CDYL: variants seen among roughly 807,000 people sequenced by gnomAD.
The protein encoded by CDYL is chromodomain Y-like protein.
CDYL carries 8 observed loss-of-function variants against 47.3 expected under a neutral mutation model. That is an observed-to-expected ratio of 0.17 (90% CI 0.10 to 0.31). The LOEUF is 0.31. Among genes scored for constraint, CDYL ranks in the 10% least tolerant of loss-of-function variants. CDYL has a pLI of 1.00. For synonymous variants in CDYL, 266 were observed against 265.0 expected, an observed-to-expected ratio of 1.00 and a Z score of -0.04; for missense variants, 471 against 701.4, an observed-to-expected ratio of 0.67 and a Z score of 3.71.
chr6:4,775,045 T>G (rs971604318), upstream of CDYL, among the ~76,000 whole-genome samples: 1 of 152,100 alleles, frequency 6.6e-6, no homozygotes, highest in African/African-American at 2.4e-5. This position sits in a 1 kb window ranked among gnomAD's most constrained non-coding sequence, Gnocchi z 7.0. Context: ...GTTGAAACGC[T>G]GTTGGGGGGC....
chr6:4,851,934 T>G (rs1237995072), intron 1 of CDYL, among the ~76,000 whole-genome samples: 4 of 152,186 alleles, frequency 2.6e-5, no homozygotes, highest in Middle Eastern at 3.4e-3. Context: ...TTTTACACCC[T>G]TTTCTATGTC....
intron 1 of CDYL, among the ~76,000 whole-genome samples, chr6:4,788,415 G>A (rs1758817004): frequency 2.1e-5 from 3 of 145,722 alleles, no homozygotes. Flanking sequence ...CCCAGGAGGT[G>A]GAGTTAGCAG....
intron 2 of CDYL, among the ~76,000 whole-genome samples, chr6:4,920,852 G>C (rs1168691913): frequency 2.6e-5 from 4 of 152,226 alleles, no homozygotes; most frequent in African/African-American, 9.6e-5. Flanking sequence ...CTGACCTCAA[G>C]TGATCCACCC....
intron 1 of CDYL, among the ~76,000 whole-genome samples, chr6:4,816,597 C>G (rs943779462): frequency 4.6e-5 from 7 of 151,212 alleles, no homozygotes; most frequent in Non-Finnish European, 1.5e-5. Flanking sequence ...CTCCCAGGCT[C>G]AGGCAGTCCT....
intron 1 of CDYL, among the ~76,000 whole-genome samples, chr6:4,870,413 T>C (rs1761440500): frequency 6.6e-6 from 1 of 152,236 alleles, no homozygotes; most frequent in Non-Finnish European, 1.5e-5. Context: ...TTATGAATTA[T>C]TGTTTTCCTT....
intron 2 of CDYL, among the ~76,000 whole-genome samples, chr6:4,920,832 T>G (rs190989929): frequency 2.0e-4 from 30 of 152,328 alleles, no homozygotes; most frequent in African/African-American, 7.0e-4. Flanking sequence ...GCCAGACTGG[T>G]CTCAGACTCC....
At chr6:4,823,726 G>A (rs1049762798) in intron 1 of CDYL, among the ~76,000 whole-genome samples, 6 of 151,686 alleles carry the variant, frequency 4.0e-5, no homozygotes, top group South Asian at 2.1e-4. Context: ...CTTTGTAACC[G>A]GTAAAATATA....
Position 4,954,549 on chromosome 6 carries a change from G to T in CDYL, c.*493G>T, listed in dbSNP as rs909702882. 6.6e-6 allele frequency: 1 copy of T among 152,646 alleles called. No homozygotes were observed. Among genetic ancestry groups the T allele is most frequent in the Non-Finnish European group, 1.5e-5 (1 of 68,060 alleles). The allele number at this position is 152,646 out of a possible 1,614,324, so 9.5% of individuals were successfully genotyped here. A position where few individuals can be genotyped will look rare whatever the true frequency, so the allele number is the denominator to read the frequency against. On this transcript the variant is annotated 3_prime_UTR_variant, in exon 7 of 7. Transcript: ENST00000397588. ...GAGGCGTTGGCTTTTTCTCCAAGAA[G>T]GTACAGATACCTCAGATTCGGGAAA...
chr6:4,766,026 G>A (rs1019789441), intron 3 of CDYL, among the ~76,000 whole-genome samples: 32 of 151,934 alleles, frequency 2.1e-4, no homozygotes, highest in African/African-American at 7.7e-4. Context: ...CCCATGGCAG[G>A]ACTGATAAAG....
intron 2 of CDYL, among the ~76,000 whole-genome samples, chr6:4,914,654 G>C (rs143067471): frequency 6.6e-6 from 1 of 152,148 alleles, no homozygotes; most frequent in Non-Finnish European, 1.5e-5. Flanking sequence ...AGCTGTGCAC[G>C]GGCCTATTCT....
At chr6:4,757,042 T>C (rs1758085630) in intron 3 of CDYL, among the ~76,000 whole-genome samples, 1 of 152,198 alleles carries the variant, frequency 6.6e-6, no homozygotes, top group Admixed American at 6.5e-5. Flanking sequence ...AAGTGATTGG[T>C]ATGAGTCACC....
intron 1 of CDYL, among the ~76,000 whole-genome samples, chr6:4,884,046 G>A (rs1252724582): frequency 6.6e-6 from 1 of 152,176 alleles, no homozygotes; most frequent in Non-Finnish European, 1.5e-5. Context: ...CATAGACATG[G>A]TGGTAGGAAA....
At chr6:4,944,598 A>G (rs1758457557) in intron 5 of CDYL, among the ~76,000 whole-genome samples, 1 of 152,190 alleles carries the variant, frequency 6.6e-6, no homozygotes, top group Admixed American at 6.5e-5. Flanking sequence ...CCCCAGGGCC[A>G]TTCAGATCAT....
chr6:4,883,923 T>G (rs1044208275), intron 1 of CDYL, among the ~76,000 whole-genome samples: 2 of 152,148 alleles, frequency 1.3e-5, no homozygotes, highest in Non-Finnish European at 2.9e-5. Flanking sequence ...CATAGAACAG[T>G]GGCAAACTCT....
chr6:4,936,527 G>A (rs947411912), intron 3 of CDYL, among the ~76,000 whole-genome samples: 7 of 152,084 alleles, frequency 4.6e-5, no homozygotes, highest in Admixed American at 4.6e-4. Context: ...TTCAAAGTTG[G>A]TCCTTGGTAC....
At chr6:4,896,449 T>C (rs556070000) in intron 2 of CDYL, among the ~76,000 whole-genome samples, 1 of 152,324 alleles carries the variant, frequency 6.6e-6, no homozygotes, top group African/African-American at 2.4e-5. Context: ...GATGGAGTGA[T>C]TCCAGTAGAA....
chr6:4,929,519 C>CACACACACACACAT (rs1554108739), intron 2 of CDYL, among the ~76,000 whole-genome samples: 1 of 151,612 alleles, frequency 6.6e-6, no homozygotes, highest in African/African-American at 2.4e-5. Context: ...CACACACACA[C>CACACACACACACAT]ACACACATAC....
Position 4,953,927 on chromosome 6 carries a change from C to T in CDYL, c.1506C>T (p.Arg502=). Residue 502 remains arginine, a synonymous_variant, in exon 7 of 7, where the codon CGC becomes CGT. Transcript: ENST00000397588. ...VVLEESKALV[R]CNMKMELEQA... ...TTGAGGAATCCAAAGCCCTCGTGCG[C>T]TGCAACATGAAGATGGAGCTGGAGC... 2 of 1,613,930 alleles carry T rather than the reference C, an allele frequency of 1.2e-6. No individual in the cohort carries two copies. Among genetic ancestry groups the T allele is most frequent in the South Asian group, 2.2e-5 (2 of 91,030 alleles).
chr6:4,881,970 G>C (rs142018278), intron 1 of CDYL, among the ~76,000 whole-genome samples: 1 of 152,212 alleles, frequency 6.6e-6, no homozygotes, highest in East Asian at 1.9e-4. Context: ...TCTCCTGCCA[G>C]AGGCTGGAGC....
Sources: gnomAD v4.1 joint callset for allele counts (sites outside exome capture counted in the v4.1 genomes callset) on GRCh38, gnomAD v4.1.1 for gene constraint, Gnocchi (gnomAD v3.1) non-coding constraint, MANE v1.5 for transcripts, NCBI Gene and HGNC (gene_info 2026-07-23, HGNC 2026-07-21) for gene names.